The following RNF220 variants were observed in gnomAD, a reference collection of about 807,000 sequenced individuals.
The protein encoded by RNF220 is ring finger protein 220.
Under a neutral mutation model 67.1 loss-of-function variants are expected in RNF220, and 7 were observed. That is an observed-to-expected ratio of 0.10 (90% CI 0.06 to 0.20). The LOEUF (loss-of-function observed/expected upper bound fraction) is 0.20. Among genes scored for constraint, RNF220 ranks in the 10% least tolerant of loss-of-function variants. The pLI is 1.00. For missense variants in RNF220, 565 were observed against 740.3 expected, an observed-to-expected ratio of 0.76 and a Z score of 2.75; for synonymous variants, 270 against 283.2, an observed-to-expected ratio of 0.95 and a Z score of 0.47.
chr1:44,644,542 CA>C (rs1644580138), intron 8 of RNF220, 155 bp from the exon 9 acceptor site: 1 of 603,352 alleles, frequency 1.7e-6, no homozygotes, highest in Non-Finnish European at 3.0e-6. Context: ...ATGTCAGGGT[CA>C]GGGGCACTGA....
intron 2 of RNF220, among the ~76,000 whole-genome samples, chr1:44,501,453 G>C (rs2148085115): frequency 6.6e-6 from 1 of 152,246 alleles, no homozygotes; most frequent in Non-Finnish European, 1.5e-5. Flanking sequence ...TGGCAGAAAG[G>C]CTGGGGATGG....
At chr1:44,625,798 G>T (rs551316058) in intron 4 of RNF220, among the ~76,000 whole-genome samples, 5 of 152,034 alleles carry the variant, frequency 3.3e-5, no homozygotes, top group African/African-American at 9.7e-5. Context: ...TTTTGCTGGG[G>T]TCATCACCGT....
rs1648607334 is a variant in RNF220 at position 44,417,016 on chromosome 1, C to G, written c.625+4294C>G. ...GGGCTGGGGTGAGGGGGGATACTTT[C>G]CAAGGGCTCTGGGACTGGGGTGGGC... On this transcript the variant is annotated intron_variant, in intron 2 of 14. Transcript: ENST00000361799. This position sits in a 1 kb window ranked among gnomAD's most constrained non-coding sequence, Gnocchi z 4.0. Among the ~76,000 whole-genome samples, 1 of 152,164 alleles carries G rather than the reference C, an allele frequency of 6.6e-6. No individual in the cohort carries two copies. The highest frequency in any genetic ancestry group is 1.5e-5 in the Non-Finnish European group (1 of 68,024).
At chr1:44,486,241 C>CTT (rs1656293934) in intron 2 of RNF220, among the ~76,000 whole-genome samples, 1 of 151,938 alleles carries the variant, frequency 6.6e-6, no homozygotes, top group Non-Finnish European at 1.5e-5. Flanking sequence ...AGGGGGGGGC[C>CTT]TTTGGGCGAC....
At chr1:44,607,246 T>G (rs540152898) in intron 2 of RNF220, among the ~76,000 whole-genome samples, 2 of 152,324 alleles carry the variant, frequency 1.3e-5, no homozygotes, top group African/African-American at 4.8e-5. Flanking sequence ...TAGAATAATC[T>G]TTTTTAAATA....
chr1:44,594,089 GA>G (rs60537747), intron 2 of RNF220, among the ~76,000 whole-genome samples: 54,659 of 136,570 alleles, frequency 0.4, 10,535 homozygotes, highest in African/African-American at 0.53. Flanking sequence ...CATCTCAAAA[GA>G]AAAAAAAAAA....
chr1:44,617,059 T>C (rs767449200), intron 3 of RNF220, among the ~76,000 whole-genome samples: 6 of 152,188 alleles, frequency 3.9e-5, no homozygotes, highest in Admixed American at 1.3e-4. Context: ...CCTGCATCTG[T>C]ACCCCTCACG....
rs1557448216 is a variant in RNF220, at chr1:44,622,770, G to T, written c.787G>T (p.Ala263Ser). ...GAATTCCCTTCTGAAGGATGCCATGGCTCCAGGCACCCCAAAGGTAGGTGG... is the reference window on the plus strand; with the variant it reads ...GAATTCCCTTCTGAAGGATGCCATGTCTCCAGGCACCCCAAAGGTAGGTGG... The part of the protein sequence containing the change: ...SKNSLLKDAM[A>S]PGTPKSLLLS... Residue 263 changes from alanine (A) to serine (S), a missense_variant, in exon 4 of 15, where the codon GCT (alanine) becomes TCT (serine). By Grantham distance (99) the Ala-to-Ser change is moderately conservative. Transcript: ENST00000361799. This position sits in a 1 kb window ranked among gnomAD's most constrained non-coding sequence, Gnocchi z 4.3. The T allele has an allele frequency of 6.2e-7, 1 of 1,613,880 alleles. No individual in the cohort carries two copies.
At position 44,461,920 on chromosome 1, in the gene RNF220, C is replaced by CTTTT. The variant is rs1445179984; in HGVS notation, c.625+49201_625+49202insTTTT. Among the ~76,000 whole-genome samples, 38 of 118,186 alleles carry CTTTT rather than the reference C, an allele frequency of 3.2e-4. 1 individual carries two copies. The highest frequency in any genetic ancestry group is 1.3e-3 in the African/African-American group (37 of 29,278). 77.5% of individuals were successfully genotyped at this position (118,186 alleles called of 152,430 possible). ...ATCATATTTTTTTCTTTTCTTTTTTCTTTGTTTTTTTTTTTTTTTTTTTTT... is the reference window on the plus strand; with the variant it reads ...ATCATATTTTTTTCTTTTCTTTTTTCTTTTTTTGTTTTTTTTTTTTTTTTTTTTT... On this transcript the variant is annotated intron_variant, in intron 2 of 14. Coordinates refer to ENST00000361799, the MANE Select transcript of RNF220 (RefSeq NM_018150.4).
At chr1:44,493,591 T>C (rs1461339454) in intron 2 of RNF220, among the ~76,000 whole-genome samples, 3 of 152,292 alleles carry the variant, frequency 2.0e-5, no homozygotes, top group East Asian at 3.9e-4. Flanking sequence ...GATATCTCAT[T>C]ATGTATATAT....
intron 2 of RNF220, among the ~76,000 whole-genome samples, chr1:44,451,231 A>T (rs1475373664): frequency 6.6e-6 from 1 of 152,066 alleles, no homozygotes; most frequent in Non-Finnish European, 1.5e-5. Context: ...TTACATTCCC[A>T]TCCAAAAGAG....
At position 44,454,479 on chromosome 1, in the gene RNF220, A is replaced by T. The variant is rs1299814014; in HGVS notation, c.625+41757A>T. ...ATTAAATCCCCCTTTTTTTCCTTCT[A>T]ATACTATTTACCTGTGTATTTTCTC... is the stretch of plus-strand genomic sequence containing the variant. On this transcript the variant is annotated intron_variant, in intron 2 of 14. Transcript: ENST00000361799. Among the ~76,000 whole-genome samples, 17 of 151,872 alleles carry T rather than the reference A, an allele frequency of 1.1e-4. 2 individuals are homozygous for T. Among genetic ancestry groups the T allele is most frequent in the African/African-American group, 4.1e-4 (17 of 41,470 alleles).
chr1:44,533,530 G>C (rs1221089224), intron 2 of RNF220, among the ~76,000 whole-genome samples: 1 of 152,154 alleles, frequency 6.6e-6, no homozygotes, highest in Non-Finnish European at 1.5e-5. Context: ...GTCCAGGTTG[G>C]TTCTCCCAAA....
chr1:44,587,121 T>C (rs1343526896), intron 2 of RNF220, among the ~76,000 whole-genome samples: 4 of 151,476 alleles, frequency 2.6e-5, no homozygotes, highest in African/African-American at 4.9e-5. Flanking sequence ...AATTCCACTA[T>C]TGTATCTTCT....
chr1:44,442,514 CTTT>C (rs10636964), intron 2 of RNF220, among the ~76,000 whole-genome samples: 11 of 127,768 alleles, frequency 8.6e-5, no homozygotes, highest in Admixed American at 8.4e-5. Flanking sequence ...CACTCACACT[CTTT>C]TTTTTTTTTT....
At chr1:44,634,776 C>T (rs1573140699) in intron 6 of RNF220, among the ~76,000 whole-genome samples, 1 of 152,216 alleles carries the variant, frequency 6.6e-6, no homozygotes, top group Non-Finnish European at 1.5e-5. Flanking sequence ...GCAGTGTGCA[C>T]TTTGGAACTG....
chr1:44,547,029 A>G (rs557958506), intron 2 of RNF220, among the ~76,000 whole-genome samples: 8 of 152,346 alleles, frequency 5.3e-5, no homozygotes, highest in East Asian at 3.9e-4. Flanking sequence ...CAAGGTGTTC[A>G]TGTTGTCACA....
intron 2 of RNF220, among the ~76,000 whole-genome samples, chr1:44,549,547 C>T (rs769286261): frequency 2.0e-5 from 3 of 152,180 alleles, no homozygotes; most frequent in Non-Finnish European, 2.9e-5. Flanking sequence ...AGCCTTGGAA[C>T]TCCCTCTCTC....
intron 2 of RNF220, among the ~76,000 whole-genome samples, chr1:44,569,445 C>CT (rs1664271907): frequency 6.6e-6 from 1 of 152,208 alleles, no homozygotes; most frequent in African/African-American, 2.4e-5. Flanking sequence ...ATACGGTCCC[C>CT]TGACTTCTTC....
Sources: allele counts gnomAD v4.1 joint callset (sites outside exome capture counted in the v4.1 genomes callset), GRCh38; gene constraint gnomAD v4.1.1; non-coding constraint Gnocchi (gnomAD v3.1); transcripts MANE v1.5; gene names NCBI Gene and HGNC (gene_info 2026-07-23, HGNC 2026-07-21).